The following LRRC7 variants were observed in gnomAD, a reference collection of about 807,000 sequenced individuals.
LRRC7 encodes leucine rich repeat containing 7, also known as leucine-rich repeat-containing protein 7.
In LRRC7, 23 loss-of-function variants were observed where a neutral mutation model predicts 175.7. The ratio of observed to expected loss-of-function variants is 0.13; its 90% confidence interval spans 0.09 to 0.19. LRRC7 has a LOEUF of 0.19. LRRC7 is among the 10% of genes least tolerant of loss of function. LRRC7 has a pLI of 1.00. For synonymous variants in LRRC7, 685 were observed against 680.9 expected, an observed-to-expected ratio of 1.01 and a Z score of -0.09; for missense variants, 1,354 against 1,904.7, an observed-to-expected ratio of 0.71 and a Z score of 5.38.
chr1:70,014,330 A>G (rs1397608957), intron 13 of LRRC7, among the ~76,000 whole-genome samples: 3 of 152,034 alleles, frequency 2.0e-5, no homozygotes, highest in Admixed American at 6.6e-5. Flanking sequence ...TAGAAGTTCT[A>G]TTAATACTTT....
chr1:69,905,436 T>A (rs1433406495), intron 7 of LRRC7, among the ~76,000 whole-genome samples: 9 of 151,666 alleles, frequency 5.9e-5, no homozygotes, highest in Admixed American at 2.0e-4. Flanking sequence ...GTCCCCAGAG[T>A]GTGATATTCC....
intron 2 of LRRC7, among the ~76,000 whole-genome samples, chr1:69,736,647 A>C (rs776114867): frequency 9.9e-5 from 15 of 152,080 alleles, no homozygotes; most frequent in Non-Finnish European, 1.6e-4. Context: ...GTGGTGAATA[A>C]ATACAGTTTT....
intron 1 of LRRC7, among the ~76,000 whole-genome samples, chr1:69,611,345 G>T (rs182532320): frequency 1.3e-5 from 2 of 151,912 alleles, no homozygotes; most frequent in African/African-American, 4.8e-5. Flanking sequence ...TAATATGTGA[G>T]ATAGTATAGG....
chr1:69,880,249 T>C (rs192013861), intron 7 of LRRC7, among the ~76,000 whole-genome samples: 18 of 152,338 alleles, frequency 1.2e-4, no homozygotes, highest in Admixed American at 8.5e-4. Context: ...CACTGCAAGA[T>C]GCTCTCAAAT....
intron 11 of LRRC7, among the ~76,000 whole-genome samples, chr1:70,009,763 A>C (rs922235710): frequency 1.3e-5 from 2 of 152,346 alleles, no homozygotes; most frequent in Admixed American, 1.3e-4. Context: ...CTCAAAATTG[A>C]ATGCTGTGTT....
intron 23 of LRRC7, among the ~76,000 whole-genome samples, chr1:70,060,329 C>T (rs978997282): frequency 3.3e-5 from 5 of 151,086 alleles, no homozygotes; most frequent in Non-Finnish European, 7.4e-5. Flanking sequence ...CAACCCCACC[C>T]CCCCAAAAAA....
intron 2 of LRRC7, among the ~76,000 whole-genome samples, chr1:69,710,491 G>C (rs1007960812): frequency 6.6e-6 from 1 of 151,958 alleles, no homozygotes; most frequent in African/African-American, 2.4e-5. Context: ...CATGTTTAAA[G>C]GTAACAATGA....
At chr1:69,980,255 G>T in intron 8 of LRRC7, 124 bp from the exon 9 acceptor site, 1 of 816,840 alleles carries the variant, frequency 1.2e-6, no homozygotes, top group Non-Finnish European at 2.0e-6. Flanking sequence ...GAATTTCTTA[G>T]ATGCTTAACA....
intron 1 of LRRC7, among the ~76,000 whole-genome samples, chr1:69,587,652 T>C (rs1646453770): frequency 6.6e-6 from 1 of 152,128 alleles, no homozygotes; most frequent in African/African-American, 2.4e-5. Context: ...GGAAGGTAAT[T>C]GGATCGTGGG....
intron 1 of LRRC7, among the ~76,000 whole-genome samples, chr1:69,657,736 C>G (rs1245760073): frequency 6.6e-6 from 1 of 151,844 alleles, no homozygotes; most frequent in Non-Finnish European, 1.5e-5. Context: ...GATGAATTTT[C>G]TTCCTATTTT....
chr1:70,090,965 G>A (rs1171032471), intron 25 of LRRC7, among the ~76,000 whole-genome samples: 1 of 152,088 alleles, frequency 6.6e-6, no homozygotes, highest in African/African-American at 2.4e-5. Context: ...AAGGTCAGGA[G>A]AAGAGGTTGG....
At chr1:69,886,272 C>G (rs1031199685) in intron 7 of LRRC7, among the ~76,000 whole-genome samples, 1 of 151,766 alleles carries the variant, frequency 6.6e-6, no homozygotes, top group African/African-American at 2.4e-5. Flanking sequence ...GTAGGTCACT[C>G]AGGACTTGCT....
In LRRC7 at chr1:69,783,730, C is replaced by T. The variant is rs571404895; in HGVS notation, c.304-8313C>T. Among the ~76,000 whole-genome samples the T allele has an allele frequency of 2.1e-3, 271 of 126,206 alleles. 1 individual carries two copies. The highest frequency in any genetic ancestry group is 3.3e-3 in the Admixed American group (32 of 9,770). The allele number at this position is 126,206 out of a possible 152,430, so 82.8% of individuals were successfully genotyped here. On this transcript the variant is annotated intron_variant, in intron 3 of 26. Transcript: ENST00000651989. Reference sequence around the variant, plus strand: ...TCACGCCACTGCACTCCAGCCTGGACGACAGAGCTAGACTCCCCATCTCAA... The same window carrying T: ...TCACGCCACTGCACTCCAGCCTGGATGACAGAGCTAGACTCCCCATCTCAA...
chr1:69,887,903 G>A (rs1381627187), intron 7 of LRRC7, among the ~76,000 whole-genome samples: 2 of 144,694 alleles, frequency 1.4e-5, no homozygotes, highest in Admixed American at 6.8e-5. Flanking sequence ...TGCCCCTGCT[G>A]GGGGGTGCCT....
At chr1:69,927,714 T>A (rs924859212) in intron 7 of LRRC7, among the ~76,000 whole-genome samples, 3 of 151,992 alleles carry the variant, frequency 2.0e-5, no homozygotes, top group African/African-American at 7.2e-5. Flanking sequence ...TTCATCTAAA[T>A]TTTTTTCAAA....
rs1667063819 is a variant in LRRC7, at chr1:70,141,602, T to C, written c.*19715T>C. ...AAAATACATGTTAGAAATTAAAATGTGGTTATCTCAGCTATAGTTAAGAAA... is the reference window on the plus strand; with the variant it reads ...AAAATACATGTTAGAAATTAAAATGCGGTTATCTCAGCTATAGTTAAGAAA... On this transcript the variant is annotated 3_prime_UTR_variant, in exon 27 of 27. Transcript: ENST00000651989. The C allele has an allele frequency of 6.6e-6, 1 of 152,106 alleles. No individual in the cohort carries two copies. Among genetic ancestry groups the C allele is most frequent in the African/African-American group, 2.4e-5 (1 of 41,434 alleles). 9.4% of individuals were successfully genotyped at this position (152,106 alleles called of 1,614,324 possible).
intron 1 of LRRC7, among the ~76,000 whole-genome samples, chr1:69,569,488 A>G (rs1408383908): frequency 6.6e-6 from 1 of 151,946 alleles, no homozygotes; most frequent in Non-Finnish European, 1.5e-5. Context: ...GAGGGAGGGA[A>G]GCACATTAGC....
At chr1:69,959,828 G>T (rs1650866267) in intron 8 of LRRC7, among the ~76,000 whole-genome samples, 1 of 152,092 alleles carries the variant, frequency 6.6e-6, no homozygotes, top group African/African-American at 2.4e-5. Flanking sequence ...TGTATCCTGG[G>T]GATGAAGGCT....
At chr1:69,865,198 A>T (rs1431635464) in intron 7 of LRRC7, among the ~76,000 whole-genome samples, 1 of 152,108 alleles carries the variant, frequency 6.6e-6, no homozygotes, top group Non-Finnish European at 1.5e-5. Flanking sequence ...GCAGGTGCTT[A>T]TATATCAGCG....
Sources: allele counts gnomAD v4.1 joint callset (sites outside exome capture counted in the v4.1 genomes callset), GRCh38; gene constraint gnomAD v4.1.1; transcripts MANE v1.5; gene names NCBI Gene and HGNC (gene_info 2026-07-23, HGNC 2026-07-21).